The following SPEF2 variants were observed in gnomAD, a reference collection of about 807,000 sequenced individuals.
SPEF2 encodes the protein sperm flagella and cilia-associated protein 2.
In SPEF2, 187 loss-of-function variants were observed where a neutral mutation model predicts 224.6. The observed-to-expected ratio is 0.83, with a 90% CI of 0.74 to 0.94. The LOEUF is 0.94. Among genes scored for constraint, SPEF2 ranks in the 40% least tolerant of loss-of-function variants. The pLI is 0.00. For synonymous variants in SPEF2, 715 were observed against 707.3 expected (o/e 1.01, Z -0.17); for missense variants, 2,170 against 2,135.6 (o/e 1.02, Z -0.32).
At chr5:35,718,753 C>T (rs1743088192) in intron 20 of SPEF2, among the ~76,000 whole-genome samples, 1 of 152,174 alleles carries the variant, frequency 6.6e-6, no homozygotes, top group Admixed American at 6.5e-5. Context: ...TTGGGGTTGG[C>T]TTAATCGGCA....
chr5:35,783,428 A>G (rs1754622548), intron 30 of SPEF2, among the ~76,000 whole-genome samples: 1 of 152,190 alleles, frequency 6.6e-6, no homozygotes, highest in South Asian at 2.1e-4. Flanking sequence ...AGATTAAAGT[A>G]ATTAATATAT....
chr5:35,778,739 T>A (rs1753939202), intron 29 of SPEF2, among the ~76,000 whole-genome samples: 2 of 152,176 alleles, frequency 1.3e-5, no homozygotes, highest in African/African-American at 4.8e-5. Flanking sequence ...TTTTACAGAG[T>A]ATTATGCCAT....
rs544064832 is a variant in SPEF2, at chr5:35,791,604, T to C, written c.4448-736T>C. 8 of 151,676 alleles carry C rather than the reference T, an allele frequency of 5.3e-5. No homozygotes were observed. In the South Asian group the frequency reaches 1.7e-3, roughly 32 times the overall value. 9.4% of individuals were successfully genotyped at this position (151,676 alleles called of 1,614,324 possible). ...CCTCTTTGTGTTGGTTAGCCAGACA[T>C]TTTTTTTTAAAAGCAGATTCATTTA... On this transcript the variant is annotated intron_variant, in intron 30 of 36. Transcript: ENST00000356031.
At chr5:35,671,650 A>C (rs1177892770) in intron 10 of SPEF2, 2 of 475,008 alleles carry the variant, frequency 4.2e-6, no homozygotes, top group African/African-American at 4.3e-5. Flanking sequence ...TTGCTCTTAC[A>C]AATCAGGAGA....
In SPEF2 at chr5:35,719,562, CCTCTT is replaced by C. The variant is rs553464589; in HGVS notation, c.2914+6682_2914+6686del. 4.1e-4 allele frequency among the ~76,000 whole-genome samples: 62 copies of C among 151,974 alleles called. 1 individual carries two copies. The highest frequency in any genetic ancestry group is 1.4e-3 in the African/African-American group (60 of 41,462). On this transcript the variant is annotated intron_variant, in intron 20 of 36. Coordinates refer to ENST00000356031, the MANE Select transcript of SPEF2 (RefSeq NM_024867.4). ...CTCAAATACCTGTGAGGTGGGTGGC[CCTCTT>C]CTCTTATGGTCCCAAGATAAAGTTG...
intron 30 of SPEF2, chr5:35,790,620 G>A: frequency 6.5e-6 from 2 of 306,088 alleles, no homozygotes; most frequent in African/African-American, 2.1e-5. Context: ...TGGTGGAGCT[G>A]TATGCTGCTA....
intron 2 of SPEF2, among the ~76,000 whole-genome samples, chr5:35,637,944 G>A (rs1352658618): frequency 3.9e-5 from 6 of 152,108 alleles, no homozygotes; most frequent in South Asian, 2.1e-4. Flanking sequence ...TGACTTGCAC[G>A]TAACCAGATG....
intron 15 of SPEF2, chr5:35,699,361 A>C (rs1182111713): frequency 6.6e-6 from 1 of 152,186 alleles, no homozygotes; most frequent in Admixed American, 6.5e-5. Flanking sequence ...CGCCTTTCTC[A>C]CCTTGTTTTC....
intron 14 of SPEF2, among the ~76,000 whole-genome samples, chr5:35,696,586 T>C (rs1755354848): frequency 6.6e-6 from 1 of 152,218 alleles, no homozygotes; most frequent in African/African-American, 2.4e-5. Context: ...CATACATTGT[T>C]TTGTACACTG....
At chr5:35,705,395 G>C (rs374482827) in intron 17 of SPEF2, among the ~76,000 whole-genome samples, 1 of 151,982 alleles carries the variant, frequency 6.6e-6, no homozygotes, top group African/African-American at 2.4e-5. Context: ...TTTTCACTTA[G>C]AGACCTGTAC....
chr5:35,765,317 A>G (rs1751947569), intron 26 of SPEF2, among the ~76,000 whole-genome samples: 1 of 152,094 alleles, frequency 6.6e-6, no homozygotes, highest in African/African-American at 2.4e-5. Flanking sequence ...TGAATGTATC[A>G]CAATTTATTT....
intron 10 of SPEF2, among the ~76,000 whole-genome samples, chr5:35,686,782 G>A (rs948854382): frequency 2.0e-5 from 3 of 151,818 alleles, no homozygotes; most frequent in African/African-American, 7.3e-5. Flanking sequence ...CCCATTTATA[G>A]CCTTTCCACC....
intron 8 of SPEF2, among the ~76,000 whole-genome samples, chr5:35,666,402 T>C (rs1186588816): frequency 6.6e-6 from 1 of 152,140 alleles, no homozygotes; most frequent in African/African-American, 2.4e-5. Context: ...AACAAAATAA[T>C]AATGCACTAA....
intron 21 of SPEF2, among the ~76,000 whole-genome samples, chr5:35,739,633 G>A (rs1427199848): frequency 6.6e-6 from 1 of 152,060 alleles, no homozygotes; most frequent in Non-Finnish European, 1.5e-5. Context: ...TGCCCACCTT[G>A]GCCTCCCAAA....
intron 34 of SPEF2, among the ~76,000 whole-genome samples, chr5:35,801,250 T>C (rs1757378751): frequency 6.6e-6 from 1 of 152,128 alleles, no homozygotes; most frequent in Admixed American, 6.6e-5. Context: ...GTGTGGTGGC[T>C]CCCACCTGTA....
At chr5:35,689,825 G>T (rs1754188060) in intron 10 of SPEF2, among the ~76,000 whole-genome samples, 1 of 151,960 alleles carries the variant, frequency 6.6e-6, no homozygotes, top group African/African-American at 2.4e-5. Flanking sequence ...GGGTACATTT[G>T]TCTGCTGTTA....
At chr5:35,671,688 T>A (rs1751235927) in intron 10 of SPEF2, 1 of 236,452 alleles carries the variant, frequency 4.2e-6, no homozygotes, top group African/African-American at 2.3e-5. Context: ...TAGCAAAGAT[T>A]TTTGTCTCTT....
chr5:35,754,247 T>C (rs1361201541), intron 24 of SPEF2, among the ~76,000 whole-genome samples: 1 of 151,784 alleles, frequency 6.6e-6, no homozygotes, highest in African/African-American at 2.4e-5. Flanking sequence ...ATTTGCAGCC[T>C]ATTAAATTTA....
chr5:35,797,711 G>A (rs1756876538), intron 33 of SPEF2, among the ~76,000 whole-genome samples: 1 of 152,142 alleles, frequency 6.6e-6, no homozygotes, highest in Non-Finnish European at 1.5e-5. Context: ...CTTAAGAAAG[G>A]TGGGCAAAGA....
Sources: allele counts gnomAD v4.1 joint callset (sites outside exome capture counted in the v4.1 genomes callset), GRCh38; gene constraint gnomAD v4.1.1; transcripts MANE v1.5; gene names NCBI Gene and HGNC (gene_info 2026-07-23, HGNC 2026-07-21).